NBAS: variants seen among roughly 807,000 people sequenced by gnomAD.
NBAS encodes the protein NBAS subunit of NRZ tethering complex, also known as NAG/BC035112 fusion.
In NBAS, 219 loss-of-function variants were observed where a neutral mutation model predicts 302.5. The observed-to-expected ratio is 0.72, with a 90% CI of 0.65 to 0.81. The LOEUF (loss-of-function observed/expected upper bound fraction) is 0.81. NBAS is among the 30% of genes least tolerant of loss of function. NBAS has a pLI of 0.00. For missense variants in NBAS, 2,932 were observed against 2,841.6 expected, an observed-to-expected ratio of 1.03 and a Z score of -0.72; for synonymous variants, 1,118 against 1,021.6, an observed-to-expected ratio of 1.09 and a Z score of -1.80.
chr2:15,210,479 G>A (rs902964833), intron 48 of NBAS, among the ~76,000 whole-genome samples: 2 of 151,930 alleles, frequency 1.3e-5, no homozygotes, highest in Admixed American at 6.6e-5. Flanking sequence ...TAAACAATGC[G>A]GACAAGAATA....
the NBAS span, among the ~76,000 whole-genome samples, chr2:15,122,622 G>C: frequency 1.3e-5 from 2 of 152,120 alleles, no homozygotes; most frequent in Non-Finnish European, 2.9e-5. Context: ...ATGAGGACTA[G>C]AAATGTTACC....
At chr2:14,853,079 A>T in the NBAS span, among the ~76,000 whole-genome samples, 1 of 138,154 alleles carries the variant, frequency 7.2e-6, no homozygotes, top group Non-Finnish European at 1.5e-5. Context: ...ATGGGATCTA[A>T]TTAAACTAAA....
chr2:14,935,964 G>A, the NBAS span, among the ~76,000 whole-genome samples: 1 of 152,118 alleles, frequency 6.6e-6, no homozygotes, highest in Non-Finnish European at 1.5e-5. Context: ...GTAGAACACT[G>A]GCCAATTCAA....
chr2:15,546,754 G>T (rs1664137741), intron 6 of NBAS, among the ~76,000 whole-genome samples: 1 of 152,132 alleles, frequency 6.6e-6, no homozygotes, highest in South Asian at 2.1e-4. Context: ...AACAAGTCTG[G>T]GTGTTTCAAA....
At chr2:14,912,271 A>G in the NBAS span, among the ~76,000 whole-genome samples, 3 of 152,222 alleles carry the variant, frequency 2.0e-5, no homozygotes, top group Non-Finnish European at 4.4e-5. Flanking sequence ...GTGCTTAGAA[A>G]GGTGCCTGTC....
chr2:15,121,315 G>A, the NBAS span, among the ~76,000 whole-genome samples: 1 of 152,166 alleles, frequency 6.6e-6, no homozygotes, highest in African/African-American at 2.4e-5. Flanking sequence ...AGACTCTGTT[G>A]CCAGGACCAA....
At chr2:14,926,877 A>C in the NBAS span, among the ~76,000 whole-genome samples, 1 of 152,226 alleles carries the variant, frequency 6.6e-6, no homozygotes, top group African/African-American at 2.4e-5. Flanking sequence ...TGTATGTGTC[A>C]ACTTGGCTGG....
the NBAS span, among the ~76,000 whole-genome samples, chr2:14,883,257 A>T: frequency 6.6e-6 from 1 of 152,208 alleles, no homozygotes; most frequent in South Asian, 2.1e-4. Flanking sequence ...ATTTTCTCCG[A>T]AAAGCATCTT....
intron 44 of NBAS, among the ~76,000 whole-genome samples, chr2:15,265,548 T>A (rs1669038889): frequency 6.6e-6 from 1 of 152,168 alleles, no homozygotes; most frequent in African/African-American, 2.4e-5. Flanking sequence ...TGAGGGACCA[T>A]ATCTCAAACT....
the NBAS span, among the ~76,000 whole-genome samples, chr2:15,033,845 G>A: frequency 1.3e-5 from 2 of 151,950 alleles, no homozygotes; most frequent in Admixed American, 1.3e-4. Context: ...CTACTCAGGA[G>A]GCTACAGTGT....
At chr2:15,286,000 T>A (rs1305194697) in intron 42 of NBAS, among the ~76,000 whole-genome samples, 1 of 152,142 alleles carries the variant, frequency 6.6e-6, no homozygotes, top group African/African-American at 2.4e-5. Flanking sequence ...AATACCTTAC[T>A]TCATTGGGTG....
intron 44 of NBAS, among the ~76,000 whole-genome samples, chr2:15,258,600 C>T (rs1668709645): frequency 1.3e-5 from 2 of 152,126 alleles, no homozygotes; most frequent in African/African-American, 4.8e-5. Flanking sequence ...ACGCCCTGGT[C>T]TCCTGCAGTA....
chr2:15,366,192 G>A (rs576010648), intron 32 of NBAS, among the ~76,000 whole-genome samples: 11 of 152,290 alleles, frequency 7.2e-5, no homozygotes, highest in Admixed American at 2.0e-4. Flanking sequence ...AACTGGTAAG[G>A]TTGGTTTGTT....
intron 44 of NBAS, among the ~76,000 whole-genome samples, chr2:15,245,890 T>A (rs1222067570): frequency 6.6e-6 from 1 of 152,176 alleles, no homozygotes; most frequent in African/African-American, 2.4e-5. Flanking sequence ...TGCAATCCTT[T>A]AAAAAGATGT....
the NBAS span, among the ~76,000 whole-genome samples, chr2:14,849,610 C>T: frequency 2.8e-5 from 4 of 145,334 alleles, no homozygotes; most frequent in East Asian, 1.9e-4. Flanking sequence ...AGAAGAGCAA[C>T]TCCAAGACAC....
At chr2:14,969,841 G>A in the NBAS span, among the ~76,000 whole-genome samples, 464 of 152,214 alleles carry the variant, frequency 3.0e-3, 4 homozygotes, top group Non-Finnish European at 1.9e-3. Context: ...TAAAGGCTTC[G>A]GGTGGTGGGG....
chr2:15,030,849 C>A, the NBAS span, among the ~76,000 whole-genome samples: 6 of 152,114 alleles, frequency 3.9e-5, no homozygotes, highest in Non-Finnish European at 8.8e-5. Flanking sequence ...CCTCTCCTCC[C>A]AGTTATGACA....
chr2:15,032,507 G>A, the NBAS span, among the ~76,000 whole-genome samples: 1 of 152,194 alleles, frequency 6.6e-6, no homozygotes, highest in African/African-American at 2.4e-5. Flanking sequence ...TTCTAAACTG[G>A]TGTTGAAGGA....
At chr2:15,475,991 C>T (rs1015049208) in intron 13 of NBAS, 111 bp from the exon 14 acceptor site, 3 of 816,070 alleles carry the variant, frequency 3.7e-6, no homozygotes, top group Non-Finnish European at 5.7e-6. Context: ...ATTATTTGGG[C>T]CCTAATGGTA....
Sources: gnomAD v4.1 joint callset for allele counts (sites outside exome capture counted in the v4.1 genomes callset) on GRCh38, gnomAD v4.1.1 for gene constraint, MANE v1.5 for transcripts, NCBI Gene and HGNC (gene_info 2026-07-23, HGNC 2026-07-21) for gene names.